Variants in CHCHD6 observed in about 807,000 individuals in gnomAD.
CHCHD6 encodes the protein coiled-coil-helix-coiled-coil-helix domain containing 6, also known as MICOS complex subunit MIC25.
Under a neutral mutation model 32.3 loss-of-function variants are expected in CHCHD6, and 28 were observed. The observed-to-expected ratio is 0.87, with a 90% confidence interval of 0.64 to 1.19. The LOEUF is 1.19. CHCHD6 is among the 50% of genes most tolerant of loss of function. CHCHD6 has a pLI of 0.00. For missense variants in CHCHD6, 333 were observed against 307.0 expected (o/e 1.08, Z -0.63); for synonymous variants, 122 against 117.5 (o/e 1.04, Z -0.25).
intron 4 of CHCHD6, among the ~76,000 whole-genome samples, chr3:126,826,906 C>T (rs909031447): frequency 6.6e-6 from 1 of 152,108 alleles, no homozygotes; most frequent in Non-Finnish European, 1.5e-5. Context: ...CTCTGGTCCA[C>T]AGAAAGGATG....
At chr3:126,957,889 C>T in intron 7 of CHCHD6, 1 of 411,040 alleles carries the variant, frequency 2.4e-6, no homozygotes, top group Non-Finnish European at 4.6e-6. Flanking sequence ...GCCCTCGGCA[C>T]TTAGGGGTGG....
intron 6 of CHCHD6, among the ~76,000 whole-genome samples, chr3:126,948,444 G>A (rs1464810445): frequency 1.3e-5 from 2 of 152,184 alleles, no homozygotes; most frequent in East Asian, 3.8e-4. Context: ...TCCCTGTGTT[G>A]TGGTCTCTGT....
At position 126,852,843 on chromosome 3, in the gene CHCHD6, C is replaced by T. The variant is rs79192429; in HGVS notation, c.495+113C>T. On this transcript the variant is annotated intron_variant, in intron 5 of 7. Transcript: ENST00000290913. ...GTCCGCAGACCCAGTGCCCATTCGC[C>T]CAGATGCCAGTCACTCCTTGGACAT... The T allele has an allele frequency of 6.8e-5, 47 of 692,058 alleles. No homozygotes were observed. The African/African-American group carries it at 7.0e-4, about 10-fold the overall frequency. 42.9% of individuals were successfully genotyped at this position (692,058 alleles called of 1,614,324 possible). A position where few individuals can be genotyped will look rare whatever the true frequency, so the allele number is the denominator to read the frequency against.
chr3:126,851,120 CAG>C (rs1941460729), intron 4 of CHCHD6, among the ~76,000 whole-genome samples: 1 of 152,298 alleles, frequency 6.6e-6, no homozygotes, highest in South Asian at 2.1e-4. Flanking sequence ...ACTTAACTCT[CAG>C]GGGTTCAGCC....
intron 4 of CHCHD6, among the ~76,000 whole-genome samples, chr3:126,789,025 T>G (rs1420967829): frequency 1.3e-5 from 2 of 152,206 alleles, no homozygotes; most frequent in Non-Finnish European, 2.9e-5. Context: ...TGTTGTGTCT[T>G]TGTTCTCATT....
chr3:126,713,806 C>T (rs1243605372), intron 1 of CHCHD6, among the ~76,000 whole-genome samples: 2 of 152,144 alleles, frequency 1.3e-5, no homozygotes, highest in African/African-American at 4.8e-5. Flanking sequence ...ACTATGACTC[C>T]AGAAACTTAA....
At chr3:126,751,127 G>T (rs564812529) in intron 4 of CHCHD6, among the ~76,000 whole-genome samples, 1 of 151,394 alleles carries the variant, frequency 6.6e-6, no homozygotes, top group African/African-American at 2.4e-5. Flanking sequence ...AGGCCTTGCC[G>T]GGCCTCTGGG....
At chr3:126,821,378 C>T (rs954820179) in intron 4 of CHCHD6, among the ~76,000 whole-genome samples, 1 of 152,196 alleles carries the variant, frequency 6.6e-6, no homozygotes, top group African/African-American at 2.4e-5. Flanking sequence ...CTCATTGCCT[C>T]TGCCTCCTGG....
chr3:126,857,449 C>T (rs1458320093), intron 5 of CHCHD6, among the ~76,000 whole-genome samples: 2 of 152,196 alleles, frequency 1.3e-5, no homozygotes, highest in African/African-American at 2.4e-5. Flanking sequence ...TGCCTCTGAG[C>T]AGTCAGCCCT....
At position 126,766,448 on chromosome 3, in the gene CHCHD6, G is replaced by A. The variant is rs59425415; in HGVS notation, c.411+33226G>A. The A allele has an allele frequency of 4.0e-3, 2,676 of 670,680 alleles. 14 individuals are homozygous for A. Among genetic ancestry groups the A allele is most frequent in the Middle Eastern group, 5.2e-3 (12 of 2,318 alleles). 41.5% of individuals were successfully genotyped at this position (670,680 alleles called of 1,614,324 possible). On this transcript the variant is annotated intron_variant, in intron 4 of 7. Transcript: ENST00000290913. Reference sequence around the variant, plus strand: ...CTCTGGGAGCATCAAAGGGTTTGGCGGTTGTATTCTGGTAGTTTCTTGATC... The same window carrying A: ...CTCTGGGAGCATCAAAGGGTTTGGCAGTTGTATTCTGGTAGTTTCTTGATC...
chr3:126,715,484 C>T (rs1349470703), intron 1 of CHCHD6, among the ~76,000 whole-genome samples: 1 of 152,168 alleles, frequency 6.6e-6, no homozygotes, highest in Non-Finnish European at 1.5e-5. Context: ...TGCTGCCTGC[C>T]TCTGGAGTGT....
At chr3:126,778,594 C>A (rs781239087) in intron 4 of CHCHD6, among the ~76,000 whole-genome samples, 3 of 152,120 alleles carry the variant, frequency 2.0e-5, no homozygotes, top group Non-Finnish European at 4.4e-5. Flanking sequence ...ATCCTTTGTC[C>A]ATTTTTAATT....
intron 5 of CHCHD6, among the ~76,000 whole-genome samples, chr3:126,882,590 G>C (rs73205696): frequency 0.025 from 3,854 of 152,236 alleles, 62 homozygotes; most frequent in Middle Eastern, 0.061. Flanking sequence ...TTATCGCCAG[G>C]CCCTATATTA....
intron 5 of CHCHD6, among the ~76,000 whole-genome samples, chr3:126,853,927 C>A (rs984670405): frequency 3.3e-5 from 5 of 152,098 alleles, no homozygotes; most frequent in African/African-American, 1.2e-4. Context: ...TGTTCATAGG[C>A]ACAGGGTTTT....
At chr3:126,767,905 T>A (rs976930651) in intron 4 of CHCHD6, among the ~76,000 whole-genome samples, 17 of 152,214 alleles carry the variant, frequency 1.1e-4, no homozygotes, top group African/African-American at 4.1e-4. Flanking sequence ...GCTCCATCTA[T>A]GTTGCCACAA....
intron 4 of CHCHD6, among the ~76,000 whole-genome samples, chr3:126,756,745 C>T (rs1210211226): frequency 6.6e-6 from 1 of 152,216 alleles, no homozygotes; most frequent in Admixed American, 6.5e-5. Flanking sequence ...GCACCATGCT[C>T]TGTTCCAGGC....
chr3:126,865,473 A>T, intron 5 of CHCHD6: 1 of 699,658 alleles, frequency 1.4e-6, no homozygotes, highest in Non-Finnish European at 1.8e-6. Flanking sequence ...CTACACTTTC[A>T]TCAACTCCAT....
chr3:126,756,267 G>A (rs1295049411), intron 4 of CHCHD6, among the ~76,000 whole-genome samples: 5 of 152,170 alleles, frequency 3.3e-5, no homozygotes, highest in South Asian at 4.1e-4. Context: ...GGGTGATTCT[G>A]TTAAATACAC....
chr3:126,744,414 T>A (rs911016795), intron 4 of CHCHD6, among the ~76,000 whole-genome samples: 1 of 152,084 alleles, frequency 6.6e-6, no homozygotes, highest in Non-Finnish European at 1.5e-5. Flanking sequence ...CATCAACAAG[T>A]GTTTGCCGGA....
Sources: gnomAD v4.1 joint callset for allele counts (sites outside exome capture counted in the v4.1 genomes callset) on GRCh38, gnomAD v4.1.1 for gene constraint, MANE v1.5 for transcripts, NCBI Gene and HGNC (gene_info 2026-07-23, HGNC 2026-07-21) for gene names.